HLCS: variants seen among roughly 807,000 people sequenced by gnomAD.
The protein encoded by HLCS is holocarboxylase synthetase.
A neutral mutation model predicts 75.0 loss-of-function variants in HLCS; 53 were observed. The observed-to-expected ratio is 0.71, with a 90% CI of 0.57 to 0.89. The LOEUF (loss-of-function observed/expected upper bound fraction) is 0.89. Ranked by LOEUF, HLCS falls within the 40% of genes least tolerant of loss-of-function variation. HLCS has a pLI of 0.00. For synonymous variants in HLCS, 431 were observed against 428.6 expected, an observed-to-expected ratio of 1.01 and a Z score of -0.07; for missense variants, 966 against 1,074.0, an observed-to-expected ratio of 0.90 and a Z score of 1.41.
At chr21:36,761,856 A>G (rs1406650108) in intron 8 of HLCS, among the ~76,000 whole-genome samples, 2 of 152,112 alleles carry the variant, frequency 1.3e-5, no homozygotes, top group East Asian at 3.9e-4. Flanking sequence ...GCGGGAGGAC[A>G]CCTGCAGAGT....
intron 6 of HLCS, among the ~76,000 whole-genome samples, chr21:36,857,662 T>C (rs2835506): frequency 0.28 from 42,179 of 152,038 alleles, 6,985 homozygotes; most frequent in African/African-American, 0.46. Flanking sequence ...AGGATGGCAT[T>C]TCAGTGGCCC....
chr21:36,839,778 T>C (rs1421199779), intron 6 of HLCS, among the ~76,000 whole-genome samples: 1 of 152,234 alleles, frequency 6.6e-6, no homozygotes, highest in African/African-American at 2.4e-5. Flanking sequence ...AACCCAAATA[T>C]GGATCCCTAA....
intron 6 of HLCS, among the ~76,000 whole-genome samples, chr21:36,820,239 A>G (rs2061789058): frequency 1.3e-5 from 2 of 152,174 alleles, no homozygotes; most frequent in South Asian, 4.1e-4. Context: ...GCTGCAGCGG[A>G]GGAGGCATGG....
At chr21:36,767,692 G>A (rs892157484) in intron 6 of HLCS, among the ~76,000 whole-genome samples, 1 of 151,678 alleles carries the variant, frequency 6.6e-6, no homozygotes, top group East Asian at 1.9e-4. Flanking sequence ...CCTACTTAGG[G>A]TGCACTTCTG....
chr21:36,937,439 T>C (rs778286131), intron 3 of HLCS, 47 bp from the exon 4 acceptor site: 3 of 1,455,972 alleles, frequency 2.1e-6, no homozygotes, highest in Non-Finnish European at 2.9e-6. Context: ...TCAACACTTC[T>C]TGTATGACAC....
chr21:36,788,170 C>T (rs947909778), intron 6 of HLCS, among the ~76,000 whole-genome samples: 17 of 152,248 alleles, frequency 1.1e-4, no homozygotes, highest in African/African-American at 3.9e-4. Flanking sequence ...GTCCTCTCCA[C>T]ACTCATGCCA....
intron 9 of HLCS, among the ~76,000 whole-genome samples, chr21:36,757,693 C>T (rs1335150299): frequency 1.3e-5 from 2 of 152,152 alleles, no homozygotes; most frequent in Non-Finnish European, 2.9e-5. Flanking sequence ...ATTGACTGGT[C>T]TCAGATTTTA....
intron 6 of HLCS, among the ~76,000 whole-genome samples, chr21:36,799,928 G>A (rs2061146244): frequency 6.6e-6 from 1 of 152,178 alleles, no homozygotes; most frequent in Non-Finnish European, 1.5e-5. Flanking sequence ...GGTTGTTTGT[G>A]GACAACTAAT....
intron 6 of HLCS, among the ~76,000 whole-genome samples, chr21:36,775,389 C>G (rs749767806): frequency 6.6e-6 from 1 of 152,252 alleles, no homozygotes; most frequent in South Asian, 2.1e-4. Flanking sequence ...TACCCTGACA[C>G]TTCACCATAA....
chr21:36,795,855 G>A (rs984989509), intron 6 of HLCS, among the ~76,000 whole-genome samples: 8 of 152,134 alleles, frequency 5.3e-5, no homozygotes, highest in Admixed American at 2.0e-4. Flanking sequence ...ATGAATGAGC[G>A]AATAAATATT....
At chr21:36,965,562 GCTGA>G (rs1211752984) in intron 1 of HLCS, among the ~76,000 whole-genome samples, 5 of 152,126 alleles carry the variant, frequency 3.3e-5, no homozygotes, top group Admixed American at 1.3e-4. Context: ...AAAAACAAAG[GCTGA>G]CTGTCAACTG....
chr21:36,771,615 G>C (rs551257469), intron 6 of HLCS, among the ~76,000 whole-genome samples: 1 of 152,092 alleles, frequency 6.6e-6, no homozygotes, highest in Non-Finnish European at 1.5e-5. Context: ...CAGTAATGTG[G>C]GCAGATGACC....
chr21:36,843,600 T>C (rs923497487), intron 6 of HLCS, among the ~76,000 whole-genome samples: 1 of 152,226 alleles, frequency 6.6e-6, no homozygotes, highest in Non-Finnish European at 1.5e-5. Context: ...ATACATCATA[T>C]CCTACTAATC....
chr21:36,760,090 CTCA>C (rs957143697), intron 8 of HLCS, among the ~76,000 whole-genome samples: 22 of 152,174 alleles, frequency 1.4e-4, no homozygotes, highest in Non-Finnish European at 2.9e-4. Flanking sequence ...AGCACTGTTT[CTCA>C]TCATCCAAAA....
In HLCS at chr21:36,871,640, A is replaced by T. The variant is rs567368071; in HGVS notation, c.1892+25220T>A. Among the ~76,000 whole-genome samples, 4 of 152,316 alleles carry T rather than the reference A, an allele frequency of 2.6e-5. No homozygotes were observed. In the East Asian group the frequency reaches 7.7e-4, roughly 29 times the overall value. ...TTGCCCCCATTATAAAAATATTGAC[A>T]CTTTACCACAAGGTTGGAATTTAGC... On this transcript the variant is annotated intron_variant, in intron 6 of 10. Transcript: ENST00000674895.
intron 6 of HLCS, among the ~76,000 whole-genome samples, chr21:36,893,770 C>A (rs147408593): frequency 1.3e-5 from 2 of 152,220 alleles, no homozygotes; most frequent in Non-Finnish European, 2.9e-5. Flanking sequence ...CCTACTGCTG[C>A]GCCGCCCCGT....
intron 6 of HLCS, among the ~76,000 whole-genome samples, chr21:36,783,812 CACATGCACATACACACACACACAT>C (rs998795102): frequency 6.9e-6 from 1 of 145,682 alleles, no homozygotes; most frequent in African/African-American, 2.4e-5. Context: ...TGCACACACA[CACATGCACATACACACACACACAT>C]ACATGCACAA....
At chr21:36,964,593 A>G (rs1481573501) in intron 1 of HLCS, among the ~76,000 whole-genome samples, 2 of 152,212 alleles carry the variant, frequency 1.3e-5, no homozygotes, top group African/African-American at 4.8e-5. Context: ...ACGCAGCAAT[A>G]TCTAACCAAA....
chr21:36,890,651 C>T (rs1255699359), intron 6 of HLCS, among the ~76,000 whole-genome samples: 1 of 151,972 alleles, frequency 6.6e-6, no homozygotes, highest in Non-Finnish European at 1.5e-5. Context: ...CAAAAGAAAG[C>T]TCTCTACACC....
Sources: allele counts gnomAD v4.1 joint callset (sites outside exome capture counted in the v4.1 genomes callset), GRCh38; gene constraint gnomAD v4.1.1; transcripts MANE v1.5; gene names NCBI Gene and HGNC (gene_info 2026-07-23, HGNC 2026-07-21).